Variants in MRPS6 observed in about 807,000 individuals in gnomAD.
The protein encoded by MRPS6 is small ribosomal subunit protein bS6m.
In MRPS6, 6 loss-of-function variants were observed where a neutral mutation model predicts 13.1. The ratio of observed to expected loss-of-function variants is 0.46; its 90% CI spans 0.25 to 0.91. The LOEUF (loss-of-function observed/expected upper bound fraction) is 0.91. Among genes scored for constraint, MRPS6 ranks in the 40% least tolerant of loss-of-function variants. The probability of loss-of-function intolerance (pLI) is 0.18; values close to 1 mark genes in which losing one functional copy is unlikely to be tolerated. For missense variants in MRPS6, 164 were observed against 155.6 expected (o/e 1.05, Z -0.29); for synonymous variants, 61 against 56.5 (o/e 1.08, Z -0.36).
At chr21:34,119,242 G>A (rs1349377245) in intron 1 of MRPS6, among the ~76,000 whole-genome samples, 5 of 152,120 alleles carry the variant, frequency 3.3e-5, no homozygotes, top group African/African-American at 1.2e-4. Flanking sequence ...GGCAAGGCTG[G>A]CACTTCACAT....
At chr21:34,128,435 A>G (rs992423883) in intron 2 of MRPS6, among the ~76,000 whole-genome samples, 2 of 152,066 alleles carry the variant, frequency 1.3e-5, no homozygotes, top group Non-Finnish European at 2.9e-5. Context: ...GGTAAGGGAG[A>G]GCCTGTTGCT....
intron 1 of MRPS6, among the ~76,000 whole-genome samples, chr21:34,121,892 A>T (rs1329964830): frequency 1.3e-5 from 2 of 152,138 alleles, no homozygotes; most frequent in African/African-American, 2.4e-5. Flanking sequence ...TGGCAGATGG[A>T]ATAGTGGATT....
intron 1 of MRPS6, among the ~76,000 whole-genome samples, chr21:34,082,824 TGGCCCAA>T (rs1989489451): frequency 6.6e-6 from 1 of 152,196 alleles, no homozygotes; most frequent in African/African-American, 2.4e-5. Context: ...ACGTACGTTT[TGGCCCAA>T]GGTGTAATTG....
Position 34,130,664 on chromosome 21 carries a change from A to G in MRPS6, c.185+5184A>G, listed in dbSNP as rs1442036104. Reference sequence around the variant, plus strand: ...TATCACCTGGAAGATCACGTGGGCAAGTTCTACCTAGGAAGAAGTTCACTA... The same window carrying G: ...TATCACCTGGAAGATCACGTGGGCAGGTTCTACCTAGGAAGAAGTTCACTA... On this transcript the variant is annotated intron_variant, in intron 2 of 2. Transcript: ENST00000399312. 3.3e-5 allele frequency among the ~76,000 whole-genome samples: 5 copies of G among 152,204 alleles called. No homozygotes were observed. The East Asian group carries it at 5.8e-4, about 18-fold the overall frequency.
chr21:34,077,593 G>A (rs1007587482), intron 1 of MRPS6, among the ~76,000 whole-genome samples: 1 of 152,004 alleles, frequency 6.6e-6, no homozygotes, highest in African/African-American at 2.4e-5. Context: ...ATCTTCATAT[G>A]TTTTTCTAAT....
chr21:34,141,338 T>C (rs73899999), intron 2 of MRPS6, among the ~76,000 whole-genome samples: 1,620 of 151,778 alleles, frequency 0.011, 36 homozygotes, highest in African/African-American at 0.037. Flanking sequence ...CAATGGAGAG[T>C]GAGGGGCCTT....
chr21:34,139,506 A>C (rs1980835014), intron 2 of MRPS6, among the ~76,000 whole-genome samples: 1 of 152,172 alleles, frequency 6.6e-6, no homozygotes, highest in South Asian at 2.1e-4. Context: ...CATTCAAGTT[A>C]TCTGTACTTC....
At chr21:34,104,090 G>C (rs994461694) in intron 1 of MRPS6, 1 of 999,666 alleles carries the variant, frequency 1.0e-6, no homozygotes, top group African/African-American at 1.7e-5. Flanking sequence ...GATTTTTTTT[G>C]TGTACGTTTG....
At chr21:34,138,989 A>AT (rs1487527272) in intron 2 of MRPS6, among the ~76,000 whole-genome samples, 7 of 151,600 alleles carry the variant, frequency 4.6e-5, no homozygotes, top group Admixed American at 1.3e-4. Context: ...CATATACACC[A>AT]TGGAATACTA....
In MRPS6 at chr21:34,073,713, G is replaced by A. The variant is rs1352879706; in HGVS notation, c.13G>A (p.Glu5Lys). 1 of 1,528,030 alleles carries A rather than the reference G, an allele frequency of 6.5e-7. No individual in the cohort carries two copies. Among genetic ancestry groups the A allele is most frequent in the Non-Finnish European group, 8.8e-7 (1 of 1,131,310 alleles). The allele number at this position is 1,528,030 out of a possible 1,614,324, so 94.7% of individuals were successfully genotyped here. The stretch of plus-strand genomic sequence containing the variant: ...CGATCCTCCAGGCATGCCCCGCTAC[G>A]AGCTGGCTTTAATCCTGAAAGCCAT... MPRY[E>K]LALILKAMQR... is the part of the protein sequence containing the mutation. The change falls in exon 1 of 3, where the codon GAG becomes AAG. Residue 5 changes from glutamate (E) to lysine (K), a missense_variant. Physicochemically the swap from Glu to Lys is moderately conservative, Grantham distance 56. Coordinates refer to ENST00000399312, the MANE Select transcript of MRPS6 (RefSeq NM_032476.4).
At chr21:34,079,193 A>G (rs1004956136) in intron 1 of MRPS6, among the ~76,000 whole-genome samples, 7 of 151,834 alleles carry the variant, frequency 4.6e-5, no homozygotes, top group African/African-American at 9.7e-5. Flanking sequence ...ATAGGTGGGG[A>G]AAAAAACAGC....
chr21:34,076,394 C>T (rs1053669813), intron 1 of MRPS6, among the ~76,000 whole-genome samples: 3 of 152,042 alleles, frequency 2.0e-5, no homozygotes, highest in Admixed American at 6.6e-5. Context: ...AAGTCAGTTG[C>T]GGGAATGCCC....
At chr21:34,092,056 A>T (rs1018034568) in intron 1 of MRPS6, among the ~76,000 whole-genome samples, 5 of 152,132 alleles carry the variant, frequency 3.3e-5, no homozygotes, top group African/African-American at 1.2e-4. Context: ...TTATAAAAAT[A>T]AGGGAACCCT....
chr21:34,099,603 AT>A (rs554380597), intron 1 of MRPS6: 107 of 951,506 alleles, frequency 1.1e-4, no homozygotes, highest in East Asian at 7.1e-4. Flanking sequence ...GGTGTTTGTG[AT>A]TTTTTTTTTC....
chr21:34,126,756 C>T (rs772511016), intron 2 of MRPS6, among the ~76,000 whole-genome samples: 14 of 152,160 alleles, frequency 9.2e-5, no homozygotes, highest in Non-Finnish European at 1.3e-4. Context: ...GTCAGTTTCT[C>T]CACTCATGTA....
intron 2 of MRPS6, among the ~76,000 whole-genome samples, chr21:34,137,194 T>C (rs375375274): frequency 5.3e-5 from 8 of 152,336 alleles, no homozygotes; most frequent in African/African-American, 1.4e-4. Flanking sequence ...AGGGTTTTGA[T>C]TGAGGTTCTA....
chr21:34,112,135 A>C lies in MRPS6; in HGVS notation c.46-13206A>C, dbSNP rs149282042. ...GAAGATCTTTTAAATTTTATGACTC[A>C]GTATAATCTTTTCTTCCTTTCTAGT... On this transcript the variant is annotated intron_variant, in intron 1 of 2. Transcript: ENST00000399312. Among the ~76,000 whole-genome samples, 3 of 152,228 alleles carry C rather than the reference A, an allele frequency of 2.0e-5. No individual in the cohort carries two copies. In the East Asian group the frequency reaches 5.8e-4, roughly 29 times the overall value.
intron 2 of MRPS6, among the ~76,000 whole-genome samples, chr21:34,137,734 G>A (rs919663996): frequency 1.3e-5 from 2 of 151,692 alleles, no homozygotes; most frequent in East Asian, 3.9e-4. Context: ...TTTCAAAGAT[G>A]CTCTTTATAA....
chr21:34,105,658 AAATG>A, intron 1 of MRPS6: 1 of 998,866 alleles, frequency 1.0e-6, no homozygotes, highest in Non-Finnish European at 1.2e-6. Context: ...ATGTGATTAT[AAATG>A]AAGTTGATGA....
Sources: gnomAD v4.1 joint callset for allele counts (sites outside exome capture counted in the v4.1 genomes callset) on GRCh38, gnomAD v4.1.1 for gene constraint, MANE v1.5 for transcripts, NCBI Gene and HGNC (gene_info 2026-07-23, HGNC 2026-07-21) for gene names.